ZMAT4: variants seen among roughly 807,000 people sequenced by gnomAD.
ZMAT4 encodes the protein zinc finger matrin-type protein 4.
In ZMAT4, 17 loss-of-function variants were observed where a neutral mutation model predicts 28.7. The ratio of observed to expected loss-of-function variants is 0.59; its 90% CI spans 0.41 to 0.89. The LOEUF is 0.89. ZMAT4 is among the 40% of genes least tolerant of loss of function. The probability of loss-of-function intolerance (pLI) is 0.00; values close to 1 mark genes in which losing one functional copy is unlikely to be tolerated. For missense variants in ZMAT4, 240 were observed against 283.8 expected (o/e 0.85, Z 1.11); for synonymous variants, 117 against 109.2 (o/e 1.07, Z -0.44).
chr8:40,701,558 C>T (rs1003633440), intron 3 of ZMAT4, among the ~76,000 whole-genome samples: 2 of 140,300 alleles, frequency 1.4e-5, no homozygotes, highest in African/African-American at 2.7e-5. Context: ...CACTCTGCCT[C>T]CCAGGCTGGA....
chr8:40,580,423 T>A (rs1360041767), intron 6 of ZMAT4, among the ~76,000 whole-genome samples: 1 of 152,208 alleles, frequency 6.6e-6, no homozygotes, highest in Non-Finnish European at 1.5e-5. Context: ...TACAGTCCAA[T>A]ATGTTAAATG....
chr8:40,670,986 TG>T (rs1808642662), intron 5 of ZMAT4, among the ~76,000 whole-genome samples: 1 of 151,538 alleles, frequency 6.6e-6, no homozygotes, highest in Non-Finnish European at 1.5e-5. Flanking sequence ...GAGAATCTCT[TG>T]AACCTGGGAG....
chr8:40,666,508 G>A (rs1808420727), intron 5 of ZMAT4, among the ~76,000 whole-genome samples: 1 of 151,948 alleles, frequency 6.6e-6, no homozygotes, highest in African/African-American at 2.4e-5. Context: ...CAATTTCACA[G>A]GGTTCCCAAT....
intron 5 of ZMAT4, among the ~76,000 whole-genome samples, chr8:40,594,513 A>G (rs2118591039): frequency 6.6e-6 from 1 of 152,250 alleles, no homozygotes; most frequent in Non-Finnish European, 1.5e-5. Flanking sequence ...TGTAACCCTT[A>G]TGTGTCTCTG....
Position 40,702,304 on chromosome 8 carries a change from G to A in ZMAT4, c.193-4903C>T, listed in dbSNP as rs117060948. ...CCAGAGCAAGGTTGATATATAGCCC[G>A]GGGTAGAAACTCCATACAGTTTGAT... On this transcript the variant is annotated intron_variant, in intron 3 of 6. Coordinates refer to ENST00000297737, the MANE Select transcript of ZMAT4 (RefSeq NM_024645.3). Among the ~76,000 whole-genome samples, 263 of 152,050 alleles carry A rather than the reference G, an allele frequency of 1.7e-3. 2 individuals carry two copies. The highest frequency in any genetic ancestry group is 5.6e-3 in the African/African-American group (233 of 41,514).
chr8:40,753,365 A>C (rs988210476), intron 3 of ZMAT4, among the ~76,000 whole-genome samples: 3 of 152,138 alleles, frequency 2.0e-5, no homozygotes, highest in African/African-American at 7.2e-5. Flanking sequence ...TGCAAAACAT[A>C]TATCTCTGTG....
Position 40,804,872 on chromosome 8 carries a change from C to T in ZMAT4, c.102+20703G>A, listed in dbSNP as rs141438442. ...ATAATAATAATAAAATAAAATATTA[C>T]GACCAAAAAGGAGTAACTGAGTAGT... is the stretch of plus-strand genomic sequence containing the variant. On this transcript the variant is annotated intron_variant, in intron 2 of 6. Transcript: ENST00000297737. Among the ~76,000 whole-genome samples the T allele has an allele frequency of 9.3e-3, 1,412 of 151,474 alleles. 20 individuals carry two copies. Among genetic ancestry groups the T allele is most frequent in the Middle Eastern group, 0.037 (11 of 294 alleles).
chr8:40,601,967 TCACCCAA>T (rs763493284), intron 5 of ZMAT4, among the ~76,000 whole-genome samples: 61 of 152,306 alleles, frequency 4.0e-4, no homozygotes, highest in Non-Finnish European at 7.2e-4. Flanking sequence ...GGTGCACCCA[TCACCCAA>T]TAAGTGTACA....
intron 1 of ZMAT4, among the ~76,000 whole-genome samples, chr8:40,862,362 C>T (rs1817525175): frequency 7.6e-6 from 1 of 131,110 alleles, no homozygotes; most frequent in Non-Finnish European, 1.6e-5. Context: ...TAGGTGGGAA[C>T]TGAACAATGA....
chr8:40,647,238 C>A (rs1486626515), intron 5 of ZMAT4, among the ~76,000 whole-genome samples: 2 of 152,168 alleles, frequency 1.3e-5, no homozygotes, highest in Admixed American at 6.5e-5. Flanking sequence ...TGAGCTGAAG[C>A]AGGGCGAGGC....
chr8:40,671,345 T>C (rs1808657310), intron 5 of ZMAT4, among the ~76,000 whole-genome samples: 1 of 152,108 alleles, frequency 6.6e-6, no homozygotes, highest in Non-Finnish European at 1.5e-5. Flanking sequence ...AAAACATATG[T>C]TGACCAAAAA....
At chr8:40,873,275 AC>A (rs1817926921) in intron 1 of ZMAT4, among the ~76,000 whole-genome samples, 5 of 152,230 alleles carry the variant, frequency 3.3e-5, no homozygotes, top group Admixed American at 3.3e-4. Context: ...TTTTCTGGCT[AC>A]AAAAATGCCC....
At chr8:40,706,155 C>T (rs974435777) in intron 3 of ZMAT4, among the ~76,000 whole-genome samples, 5 of 152,116 alleles carry the variant, frequency 3.3e-5, no homozygotes, top group East Asian at 1.9e-4. Flanking sequence ...CAGATTCAAG[C>T]GATTCTCCTG....
chr8:40,873,617 C>T (rs1246053314), intron 1 of ZMAT4, among the ~76,000 whole-genome samples: 1 of 152,166 alleles, frequency 6.6e-6, no homozygotes, highest in Non-Finnish European at 1.5e-5. Flanking sequence ...TCTCTGATGA[C>T]AAAGCTAGGT....
intron 3 of ZMAT4, among the ~76,000 whole-genome samples, chr8:40,703,538 T>C (rs1262876764): frequency 6.6e-6 from 1 of 152,102 alleles, no homozygotes; most frequent in African/African-American, 2.4e-5. Flanking sequence ...AATCTATAAA[T>C]ACAGAGAGTG....
chr8:40,674,080 CTTT>C (rs59753899), intron 5 of ZMAT4, among the ~76,000 whole-genome samples: 246 of 107,280 alleles, frequency 2.3e-3, no homozygotes, highest in African/African-American at 8.6e-3. Context: ...TTTTTATCAT[CTTT>C]TTTTTTTTTT....
chr8:40,850,618 G>A (rs1586166473), intron 1 of ZMAT4, among the ~76,000 whole-genome samples: 1 of 152,266 alleles, frequency 6.6e-6, no homozygotes, highest in East Asian at 1.9e-4. Context: ...TTGTGGGCTG[G>A]CTAAATGAAG....
At chr8:40,564,122 G>A (rs1803838538) in intron 6 of ZMAT4, among the ~76,000 whole-genome samples, 1 of 152,130 alleles carries the variant, frequency 6.6e-6, no homozygotes, top group Non-Finnish European at 1.5e-5. Flanking sequence ...ACGTGAATGA[G>A]GTCAAGTAGT....
intron 5 of ZMAT4, among the ~76,000 whole-genome samples, chr8:40,611,280 C>T (rs781494959): frequency 1.2e-4 from 18 of 151,896 alleles, no homozygotes; most frequent in African/African-American, 3.1e-4. Flanking sequence ...TAAACTACAT[C>T]GATGTGTCAT....
Sources: gnomAD v4.1 joint callset for allele counts (sites outside exome capture counted in the v4.1 genomes callset) on GRCh38, gnomAD v4.1.1 for gene constraint, MANE v1.5 for transcripts, NCBI Gene and HGNC (gene_info 2026-07-23, HGNC 2026-07-21) for gene names.